Variants in DPP10 observed in about 807,000 individuals in gnomAD.
The protein encoded by DPP10 is inactive dipeptidyl peptidase 10.
In DPP10, 33 loss-of-function variants were observed where a neutral mutation model predicts 120.9. The ratio of observed to expected loss-of-function variants is 0.27; its 90% CI spans 0.21 to 0.37. The LOEUF (loss-of-function observed/expected upper bound fraction) is 0.37. Ranked by LOEUF, DPP10 falls within the 10% of genes least tolerant of loss-of-function variation. DPP10 has a pLI of 1.00. For missense variants in DPP10, 816 were observed against 942.8 expected (o/e 0.87, Z 1.76); for synonymous variants, 337 against 326.1 (o/e 1.03, Z -0.36).
intron 1 of DPP10, among the ~76,000 whole-genome samples, chr2:114,763,344 C>G (rs1680438933): frequency 1.3e-5 from 2 of 152,170 alleles, no homozygotes; most frequent in Non-Finnish European, 2.9e-5. Flanking sequence ...AGGTCTCACT[C>G]TTTTTCTTTT....
intron 5 of DPP10, among the ~76,000 whole-genome samples, chr2:115,653,728 T>C (rs140933970): frequency 8.6e-5 from 13 of 152,006 alleles, no homozygotes; most frequent in African/African-American, 2.9e-4. Flanking sequence ...AAGTTGATGT[T>C]GATGTGATAA....
chr2:115,383,272 T>C (rs908621363), intron 3 of DPP10, among the ~76,000 whole-genome samples: 4 of 152,218 alleles, frequency 2.6e-5, no homozygotes, highest in African/African-American at 9.7e-5. Context: ...GTTCTCATGA[T>C]AGTGAATAAG....
chr2:115,525,285 A>C (rs974008368), intron 4 of DPP10, among the ~76,000 whole-genome samples: 1 of 152,038 alleles, frequency 6.6e-6, no homozygotes, highest in African/African-American at 2.4e-5. Flanking sequence ...TTCATTGTGT[A>C]GTTTAAATTC....
At chr2:115,411,208 T>A (rs892437949) in intron 3 of DPP10, among the ~76,000 whole-genome samples, 2 of 152,164 alleles carry the variant, frequency 1.3e-5, no homozygotes, top group East Asian at 3.9e-4. Context: ...GGCGCATGCC[T>A]GTAGTCTCAG....
At chr2:115,216,257 A>G (rs10204084) in intron 1 of DPP10, among the ~76,000 whole-genome samples, 76,392 of 151,794 alleles carry the variant, frequency 0.5, 20,053 homozygotes, top group Middle Eastern at 0.61. Flanking sequence ...CCACTACACG[A>G]TGTAACCCGG....
At chr2:114,838,669 C>G (rs1360763407) in intron 1 of DPP10, among the ~76,000 whole-genome samples, 1 of 152,064 alleles carries the variant, frequency 6.6e-6, no homozygotes, top group Non-Finnish European at 1.5e-5. Context: ...AAGGTATACC[C>G]TCCAATTTCT....
intron 1 of DPP10, among the ~76,000 whole-genome samples, chr2:115,233,487 T>C (rs2057842850): frequency 6.6e-6 from 1 of 152,168 alleles, no homozygotes; most frequent in Non-Finnish European, 1.5e-5. Flanking sequence ...AAGACTTGAC[T>C]CCATAGGCAT....
rs546405449 is a variant in DPP10, at chr2:114,748,096, A to G, written c.60+305258A>G. 4.6e-5 allele frequency among the ~76,000 whole-genome samples: 7 copies of G among 152,172 alleles called. No homozygotes were observed. The South Asian group carries it at 1.4e-3, about 32-fold the overall frequency. On this transcript the variant is annotated intron_variant, in intron 1 of 25. Coordinates refer to ENST00000410059, the MANE Select transcript of DPP10 (RefSeq NM_020868.6). Reference sequence around the variant, plus strand: ...ACATTTTATCTGTCATTTTTATTTTATTTTTCTAGACATTTATTTTTATTC... The same window carrying G: ...ACATTTTATCTGTCATTTTTATTTTGTTTTTCTAGACATTTATTTTTATTC...
rs999743320 is a variant in DPP10, at chr2:115,224,696, C to A, written c.61-84543C>A. On this transcript the variant is annotated intron_variant, in intron 1 of 25. Coordinates refer to ENST00000410059, the MANE Select transcript of DPP10 (RefSeq NM_020868.6). ...GTTCTCATCACATACACACAATAAT[C>A]ATGTGAGATAATATAATTGTAATTT... 5.9e-5 allele frequency among the ~76,000 whole-genome samples: 9 copies of A among 152,238 alleles called. No individual in the cohort carries two copies. The South Asian group carries it at 1.2e-3, about 21-fold the overall frequency.
chr2:114,896,695 A>T (rs1288601803), intron 1 of DPP10, among the ~76,000 whole-genome samples: 1 of 152,124 alleles, frequency 6.6e-6, no homozygotes, highest in East Asian at 1.9e-4. Flanking sequence ...GGACAATTTG[A>T]CTTCCTTTTT....
At chr2:115,670,521 CTT>C (rs893111417) in intron 5 of DPP10, among the ~76,000 whole-genome samples, 1 of 152,016 alleles carries the variant, frequency 6.6e-6, no homozygotes, top group East Asian at 1.9e-4. Context: ...AAAGCATTGT[CTT>C]TTATTGTAGG....
At position 115,504,203 on chromosome 2, in the gene DPP10, T is replaced by G. The variant is rs191034681; in HGVS notation, c.366+4599T>G. ...AAAGTGTGACCCAGTTTTCTTACAA[T>G]TTTTGGATGATACTTCTGATTGGGA... On this transcript the variant is annotated intron_variant, in intron 4 of 25. Coordinates refer to ENST00000410059, the MANE Select transcript of DPP10 (RefSeq NM_020868.6). Among the ~76,000 whole-genome samples the G allele has an allele frequency of 7.4e-3, 1,120 of 152,128 alleles. 7 individuals are homozygous for G. Among genetic ancestry groups the G allele is most frequent in the African/African-American group, 0.025 (1,023 of 41,522 alleles).
intron 1 of DPP10, among the ~76,000 whole-genome samples, chr2:115,141,395 G>A (rs917984439): frequency 6.6e-6 from 1 of 152,048 alleles, no homozygotes; most frequent in Non-Finnish European, 1.5e-5. Flanking sequence ...TGATCTTCCC[G>A]ACACATTTTC....
chr2:115,826,625 G>A (rs1688348026), intron 21 of DPP10, among the ~76,000 whole-genome samples: 1 of 152,150 alleles, frequency 6.6e-6, no homozygotes, highest in African/African-American at 2.4e-5. Flanking sequence ...GAAGGATGAG[G>A]CAGGAGAATT....
intron 2 of DPP10, among the ~76,000 whole-genome samples, chr2:115,329,960 G>T (rs1332405754): frequency 2.0e-5 from 3 of 152,074 alleles, no homozygotes; most frequent in Non-Finnish European, 4.4e-5. Context: ...CCCAGTAATG[G>T]GATCACTGGG....
chr2:114,975,410 A>G (rs35042467), intron 1 of DPP10, among the ~76,000 whole-genome samples: 4,805 of 152,288 alleles, frequency 0.032, 101 homozygotes, highest in Non-Finnish European at 0.05. Flanking sequence ...CTTCTTTTAA[A>G]AAAATGAAAT....
Position 115,739,813 on chromosome 2 carries a change from G to A in DPP10, c.772G>A (p.Asp258Asn). 1 of 1,613,578 alleles carries A rather than the reference G, an allele frequency of 6.2e-7. No individual in the cohort carries two copies. The highest frequency in any genetic ancestry group is 8.5e-7 in the Non-Finnish European group (1 of 1,179,614). ...AAGACTTGCCTTCCTGATGATAAAT[G>A]ACTCTTTGGTACCCACCATGGTTAT... ...GERLAFLMIN[D>N]SLVPTMVIPR... The change falls in exon 9 of 26, where the codon GAC (aspartate) becomes AAC (asparagine). Residue 258 changes from aspartate (D) to asparagine (N), a missense_variant. Asp to Asn is a conservative substitution (Grantham distance 23). Transcript: ENST00000410059.
chr2:115,292,626 C>T (rs1310377371), intron 1 of DPP10, among the ~76,000 whole-genome samples: 2 of 152,082 alleles, frequency 1.3e-5, no homozygotes, highest in Non-Finnish European at 1.5e-5. Flanking sequence ...GCTGCTGTTT[C>T]CTCCAATGTG....
intron 1 of DPP10, chr2:114,834,023 A>C (rs1687380538): frequency 1.3e-5 from 2 of 151,962 alleles, no homozygotes; most frequent in Admixed American, 1.3e-4. Context: ...ATACGTATAT[A>C]AACATATACA....
Sources: gnomAD v4.1 joint callset for allele counts (sites outside exome capture counted in the v4.1 genomes callset) on GRCh38, gnomAD v4.1.1 for gene constraint, MANE v1.5 for transcripts, NCBI Gene and HGNC (gene_info 2026-07-23, HGNC 2026-07-21) for gene names.